Variants in PRR5L observed in about 807,000 individuals in gnomAD.
PRR5L encodes the protein proline-rich protein 5-like.
Under a neutral mutation model 36.4 loss-of-function variants are expected in PRR5L, and 21 were observed. That is an observed-to-expected ratio of 0.58 (90% CI 0.41 to 0.83). The LOEUF is 0.83. Among genes scored for constraint, PRR5L ranks in the 40% least tolerant of loss-of-function variants. The pLI is 0.00. For synonymous variants in PRR5L, 188 were observed against 197.0 expected (o/e 0.95, Z 0.38); for missense variants, 381 against 473.3 (o/e 0.80, Z 1.81).
At chr11:36,360,077 AC>A (rs1857070954) in intron 1 of PRR5L, among the ~76,000 whole-genome samples, 2 of 7,212 alleles carry the variant, frequency 2.8e-4, no homozygotes, top group African/African-American at 1.1e-3. Context: ...ACACACACCC[AC>A]ACACACACAC....
At chr11:36,363,135 G>A (rs1164280410) in intron 1 of PRR5L, among the ~76,000 whole-genome samples, 4 of 152,220 alleles carry the variant, frequency 2.6e-5, no homozygotes, top group African/African-American at 9.7e-5. Context: ...GTGTGCCTGG[G>A]CATAGGATGA....
At chr11:36,455,357 A>T (rs1029093813) in intron 8 of PRR5L, 1 of 152,832 alleles carries the variant, frequency 6.5e-6, no homozygotes, top group Non-Finnish European at 1.5e-5. Context: ...CAGGCTTTGC[A>T]TCTCTCTGGG....
chr11:36,322,626 A>G (rs1445013527), intron 1 of PRR5L, among the ~76,000 whole-genome samples: 1 of 152,174 alleles, frequency 6.6e-6, no homozygotes, highest in African/African-American at 2.4e-5. Flanking sequence ...GACTAAACAA[A>G]CTATAGTACT....
chr11:36,443,605 T>C lies in PRR5L; in HGVS notation c.445-2695T>C, dbSNP rs191909527. On this transcript the variant is annotated intron_variant, in intron 6 of 8. Coordinates refer to ENST00000530639, the MANE Select transcript of PRR5L (RefSeq NM_001160167.2). Reference sequence around the variant, plus strand: ...AAGTGAGATAATACTTGAAAAGCACTTAATTTTGCATATGACACACAGTAA... The same window carrying C: ...AAGTGAGATAATACTTGAAAAGCACCTAATTTTGCATATGACACACAGTAA... 1.0e-2 allele frequency among the ~76,000 whole-genome samples: 1,516 copies of C among 152,338 alleles called. 19 individuals are homozygous for C. The highest frequency in any genetic ancestry group is 0.017 in the Non-Finnish European group (1,135 of 68,028).
At chr11:36,450,937 T>C (rs891546328) in intron 7 of PRR5L, among the ~76,000 whole-genome samples, 4 of 152,248 alleles carry the variant, frequency 2.6e-5, no homozygotes, top group African/African-American at 9.6e-5. Flanking sequence ...CAGCCAGATC[T>C]CAGCCTTGGA....
chr11:36,441,821 C>G (rs1242783542), intron 6 of PRR5L, among the ~76,000 whole-genome samples: 2 of 152,136 alleles, frequency 1.3e-5, no homozygotes, highest in African/African-American at 4.8e-5. Context: ...CTCTGTGCAC[C>G]TGTAGACTTA....
chr11:36,391,215 A>G (rs537532426), intron 1 of PRR5L, among the ~76,000 whole-genome samples: 58 of 152,178 alleles, frequency 3.8e-4, no homozygotes, highest in African/African-American at 1.3e-3. Context: ...CTTTATTTTA[A>G]GTTGTTGGGC....
At chr11:36,403,274 A>G in intron 2 of PRR5L, 24 bp from the exon 3 acceptor site, 2 of 1,606,956 alleles carry the variant, frequency 1.2e-6, no homozygotes, top group South Asian at 2.2e-5. Flanking sequence ...TTCTCTAACC[A>G]GGGGTTATTC....
chr11:36,351,303 T>TATTTATATATATTTATAA (rs1856943739), intron 1 of PRR5L, among the ~76,000 whole-genome samples: 4 of 74,452 alleles, frequency 5.4e-5, no homozygotes, highest in Non-Finnish European at 2.3e-5. Flanking sequence ...TATTTATATA[T>TATTTATATATATTTATAA]ATATTTATAT....
At chr11:36,391,756 C>A (rs1857567709) in intron 1 of PRR5L, among the ~76,000 whole-genome samples, 2 of 152,164 alleles carry the variant, frequency 1.3e-5, no homozygotes, top group African/African-American at 4.8e-5. Context: ...TACAGGCATG[C>A]AATGCATAAT....
intron 6 of PRR5L, among the ~76,000 whole-genome samples, chr11:36,439,951 C>G (rs1019046746): frequency 2.0e-5 from 3 of 152,108 alleles, no homozygotes; most frequent in Admixed American, 6.5e-5. Flanking sequence ...AAAACAAGAA[C>G]AGAAAAGTGA....
intron 8 of PRR5L, among the ~76,000 whole-genome samples, chr11:36,452,278 A>G (rs1426687309): frequency 6.6e-6 from 1 of 152,140 alleles, no homozygotes; most frequent in South Asian, 2.1e-4. Context: ...GGATTACTCA[A>G]ATTGGGAACC....
In PRR5L at chr11:36,331,307, T is replaced by G. The variant is rs563552293; in HGVS notation, c.-126+34869T>G. ...AAGAGAATAAATTCTTTCAGATTTTTCAGGCGCTGTCTTGATCTCAAAATC... is the reference window on the plus strand; with the variant it reads ...AAGAGAATAAATTCTTTCAGATTTTGCAGGCGCTGTCTTGATCTCAAAATC... On this transcript the variant is annotated intron_variant, in intron 1 of 8. Transcript: ENST00000530639. Among the ~76,000 whole-genome samples, 4 of 152,364 alleles carry G rather than the reference T, an allele frequency of 2.6e-5. No individual in the cohort carries two copies. The South Asian group carries it at 8.3e-4, about 32-fold the overall frequency.
chr11:36,418,361 T>C (rs886318396), intron 3 of PRR5L, among the ~76,000 whole-genome samples: 1 of 151,210 alleles, frequency 6.6e-6, no homozygotes, highest in Non-Finnish European at 1.5e-5. Flanking sequence ...GGGGAGGGGG[T>C]TCTGGATTTG....
chr11:36,357,210 G>A (rs1203314227), intron 1 of PRR5L, among the ~76,000 whole-genome samples: 2 of 152,184 alleles, frequency 1.3e-5, no homozygotes, highest in Non-Finnish European at 2.9e-5. Flanking sequence ...TATGAAGCCT[G>A]AGCAAGGTGA....
chr11:36,422,716 G>A (rs909771445), intron 4 of PRR5L, among the ~76,000 whole-genome samples: 1 of 152,178 alleles, frequency 6.6e-6, no homozygotes, highest in Non-Finnish European at 1.5e-5. Flanking sequence ...TCTCATGCCT[G>A]CACACAGAGA....
At chr11:36,446,219 G>A in intron 6 of PRR5L, 81 bp from the exon 7 acceptor site, 5 of 1,499,922 alleles carry the variant, frequency 3.3e-6, no homozygotes, top group Non-Finnish European at 4.5e-6. Context: ...ATATAAACAT[G>A]TGTTGTCTTG....
intron 1 of PRR5L, among the ~76,000 whole-genome samples, chr11:36,299,656 G>A (rs1562326): frequency 0.32 from 48,154 of 151,922 alleles, 8,476 homozygotes; most frequent in Non-Finnish European, 0.4. Context: ...GAGTTCTTCT[G>A]CATATGGAAG....
chr11:36,383,761 T>C (rs561582470), intron 1 of PRR5L, among the ~76,000 whole-genome samples: 2 of 148,644 alleles, frequency 1.3e-5, no homozygotes, highest in Admixed American at 6.9e-5. Flanking sequence ...AATGGTGTGA[T>C]CACGGATCAC....
Sources: gnomAD v4.1 joint callset for allele counts (sites outside exome capture counted in the v4.1 genomes callset) on GRCh38, gnomAD v4.1.1 for gene constraint, MANE v1.5 for transcripts, NCBI Gene and HGNC (gene_info 2026-07-23, HGNC 2026-07-21) for gene names.